AGBL4: variants seen among roughly 807,000 people sequenced by gnomAD.
AGBL4 encodes AGBL carboxypeptidase 4, also known as cytosolic carboxypeptidase 6.
Under a neutral mutation model 66.4 loss-of-function variants are expected in AGBL4, and 58 were observed. The observed-to-expected ratio is 0.87, with a 90% confidence interval of 0.71 to 1.09. The LOEUF is 1.09. Among genes scored for constraint, AGBL4 ranks in the 50% least tolerant of loss-of-function variants. The pLI, the probability that AGBL4 is intolerant of heterozygous loss-of-function variation, is 0.00. For missense variants in AGBL4, 579 were observed against 631.0 expected, an observed-to-expected ratio of 0.92 and a Z score of 0.88; for synonymous variants, 234 against 222.9, an observed-to-expected ratio of 1.05 and a Z score of -0.44.
At chr1:48,639,293 C>G (rs752553133) in intron 8 of AGBL4, among the ~76,000 whole-genome samples, 49 of 152,294 alleles carry the variant, frequency 3.2e-4, no homozygotes, top group Non-Finnish European at 5.0e-4. Flanking sequence ...TAATGGCACT[C>G]AATCTATCAG....
intron 6 of AGBL4, among the ~76,000 whole-genome samples, chr1:48,714,515 C>T (rs1647017414): frequency 6.6e-6 from 1 of 152,240 alleles, no homozygotes; most frequent in Non-Finnish European, 1.5e-5. Context: ...CTCTCGGCCC[C>T]TGCCTTTGCT....
chr1:48,801,098 G>C (rs1645795971), intron 6 of AGBL4, among the ~76,000 whole-genome samples: 1 of 152,112 alleles, frequency 6.6e-6, no homozygotes, highest in Non-Finnish European at 1.5e-5. Flanking sequence ...GGAAGTAGGG[G>C]GAAAGCTGGC....
intron 3 of AGBL4, among the ~76,000 whole-genome samples, chr1:49,442,013 G>A (rs992028094): frequency 2.0e-5 from 3 of 152,204 alleles, no homozygotes; most frequent in African/African-American, 4.8e-5. Flanking sequence ...CTGAGCCCAC[G>A]ATATGGCACC....
At chr1:49,233,414 A>T (rs186278967) in intron 4 of AGBL4, among the ~76,000 whole-genome samples, 2 of 152,374 alleles carry the variant, frequency 1.3e-5, no homozygotes, top group African/African-American at 4.8e-5. Context: ...ATTAATAACA[A>T]CAACTGAGGC....
At chr1:49,788,663 G>C (rs1644519334) in intron 2 of AGBL4, among the ~76,000 whole-genome samples, 1 of 152,076 alleles carries the variant, frequency 6.6e-6, no homozygotes, top group Admixed American at 6.5e-5. Context: ...CTGAAAAACA[G>C]ATTAGAAACA....
chr1:49,915,799 C>T (rs924367266), intron 1 of AGBL4, among the ~76,000 whole-genome samples: 3 of 152,138 alleles, frequency 2.0e-5, no homozygotes, highest in African/African-American at 2.4e-5. Context: ...CAAGTGGGTC[C>T]CTGACCCTGA....
chr1:49,207,699 C>T (rs1648347989), intron 4 of AGBL4, among the ~76,000 whole-genome samples: 1 of 151,472 alleles, frequency 6.6e-6, no homozygotes, highest in African/African-American at 2.4e-5. Context: ...TCCAGTGATC[C>T]TCCCACCTCA....
At chr1:49,252,879 G>A (rs147737903) in intron 3 of AGBL4, among the ~76,000 whole-genome samples, 5 of 152,248 alleles carry the variant, frequency 3.3e-5, no homozygotes, top group African/African-American at 1.2e-4. Flanking sequence ...GGTACTACCA[G>A]ACCTGCCTTA....
chr1:48,547,273 A>G (rs1297631888), intron 11 of AGBL4, among the ~76,000 whole-genome samples: 1 of 152,168 alleles, frequency 6.6e-6, no homozygotes, highest in African/African-American at 2.4e-5. Context: ...AAGCAGGCAG[A>G]GTAGCTAGGG....
rs182755960 is a variant in AGBL4 at position 49,639,248 on chromosome 1, A to T, written c.282+58065T>A. On this transcript the variant is annotated intron_variant, in intron 3 of 13. Transcript: ENST00000371839. ...AGCAGTCGTGGTAATCCATTCTAAC[A>T]CACACCCTGCTATCAAAATTGGAAG... 4.6e-5 allele frequency among the ~76,000 whole-genome samples: 7 copies of T among 152,324 alleles called. No individual in the cohort carries two copies. In the East Asian group the frequency reaches 1.3e-3, roughly 29 times the overall value.
At chr1:49,711,691 A>G (rs575603048) in intron 2 of AGBL4, among the ~76,000 whole-genome samples, 1 of 152,146 alleles carries the variant, frequency 6.6e-6, no homozygotes, top group East Asian at 1.9e-4. Context: ...CAAATTTTAC[A>G]CTTTAAATAT....
chr1:48,886,245 C>G (rs1194078024), intron 5 of AGBL4, among the ~76,000 whole-genome samples: 1 of 152,126 alleles, frequency 6.6e-6, no homozygotes, highest in African/African-American at 2.4e-5. Context: ...GAGTGGGGGT[C>G]CCGTTCCACT....
chr1:48,973,503 G>A (rs1347336680), intron 5 of AGBL4, among the ~76,000 whole-genome samples: 1 of 152,148 alleles, frequency 6.6e-6, no homozygotes, highest in South Asian at 2.1e-4. Context: ...AAAGAAAACA[G>A]TTAGTGGCCT....
intron 6 of AGBL4, chr1:48,818,329 A>G (rs1263405759): frequency 1.3e-5 from 9 of 710,688 alleles, no homozygotes; most frequent in Non-Finnish European, 2.1e-5. Context: ...GAAAAGGGGC[A>G]TATTGCCTTA....
At chr1:49,355,176 C>T (rs1301237117) in intron 3 of AGBL4, among the ~76,000 whole-genome samples, 1 of 152,164 alleles carries the variant, frequency 6.6e-6, no homozygotes, top group Non-Finnish European at 1.5e-5. Flanking sequence ...ATTTCAAGCA[C>T]TCGATCCAAC....
At chr1:49,545,692 T>G (rs1298306396) in intron 3 of AGBL4, among the ~76,000 whole-genome samples, 2 of 152,080 alleles carry the variant, frequency 1.3e-5, no homozygotes, top group Non-Finnish European at 2.9e-5. Context: ...TATGTAAAAT[T>G]TTAGCACAGT....
chr1:49,610,721 A>T (rs1288964434), intron 3 of AGBL4, among the ~76,000 whole-genome samples: 1 of 152,130 alleles, frequency 6.6e-6, no homozygotes, highest in Non-Finnish European at 1.5e-5. Context: ...CACTGAACCT[A>T]CTGGAACCTT....
intron 4 of AGBL4, among the ~76,000 whole-genome samples, chr1:49,176,841 A>T (rs1192662922): frequency 2.0e-5 from 3 of 152,070 alleles, no homozygotes; most frequent in African/African-American, 7.2e-5. Flanking sequence ...ATACACGCAT[A>T]ACATGTGCAT....
At chr1:49,512,604 G>T (rs766365487) in intron 3 of AGBL4, among the ~76,000 whole-genome samples, 1 of 151,590 alleles carries the variant, frequency 6.6e-6, no homozygotes, top group South Asian at 2.1e-4. Context: ...GCCTTCTGCC[G>T]TGATTGGAAG....
Sources: allele counts gnomAD v4.1 joint callset (sites outside exome capture counted in the v4.1 genomes callset), GRCh38; gene constraint gnomAD v4.1.1; transcripts MANE v1.5; gene names NCBI Gene and HGNC (gene_info 2026-07-23, HGNC 2026-07-21).